The following DRC2 variants were observed in gnomAD, a reference collection of about 807,000 sequenced individuals.
DRC2 encodes the protein dynein regulatory complex subunit 2.
At chr12:48,921,256 C>A in the DRC2 span, 12 of 1,614,072 alleles carry the variant, frequency 7.4e-6, no homozygotes, top group African/African-American at 1.3e-5. Flanking sequence ...CATAGACGAG[C>A]CCAGCTGCTA....
chr12:48,907,687 T>C, the DRC2 span, among the ~76,000 whole-genome samples: 2 of 152,322 alleles, frequency 1.3e-5, no homozygotes, highest in Middle Eastern at 3.4e-3. Flanking sequence ...TGGCTACTTT[T>C]CATCATTTAG....
chr12:48,917,988 G>T, the DRC2 span, among the ~76,000 whole-genome samples: 1 of 152,170 alleles, frequency 6.6e-6, no homozygotes, highest in African/African-American at 2.4e-5. Flanking sequence ...AAAATTTAAA[G>T]ATCTGGCAAC....
the DRC2 span, among the ~76,000 whole-genome samples, chr12:48,907,011 C>T: frequency 6.6e-6 from 1 of 151,544 alleles, no homozygotes; most frequent in African/African-American, 2.4e-5. Flanking sequence ...GTCAGGAGAT[C>T]GAGACCATCC....
At chr12:48,915,941 G>GCTGCAATCT in the DRC2 span, among the ~76,000 whole-genome samples, 1 of 150,030 alleles carries the variant, frequency 6.7e-6, no homozygotes. Flanking sequence ...CCGGGCAGAG[G>GCTGCAATCT]CGCTCCTCAC....
At chr12:48,918,762 T>A in the DRC2 span, 1 of 1,614,110 alleles carries the variant, frequency 6.2e-7, no homozygotes, top group South Asian at 1.1e-5. Flanking sequence ...ATATCCGTAA[T>A]GACAAGGAAT....
At chr12:48,904,137 G>A in the DRC2 span, 1 of 617,032 alleles carries the variant, frequency 1.6e-6, no homozygotes, top group South Asian at 2.1e-5. Context: ...GAGACTAGAC[G>A]CGTCTTACAG....
the DRC2 span, chr12:48,904,856 G>A: frequency 1.8e-6 from 2 of 1,137,920 alleles, no homozygotes; most frequent in East Asian, 4.9e-5. Flanking sequence ...TCGAAAAGGG[G>A]TAAGGTGTCA....
chr12:48,918,632 G>A, the DRC2 span: 1 of 1,574,774 alleles, frequency 6.4e-7, no homozygotes, highest in East Asian at 2.3e-5. Flanking sequence ...CTGTCTCACT[G>A]AAGACCCTCA....
At chr12:48,912,022 G>A in the DRC2 span, among the ~76,000 whole-genome samples, 1 of 151,938 alleles carries the variant, frequency 6.6e-6, no homozygotes, top group Non-Finnish European at 1.5e-5. Flanking sequence ...CACTTTAGGA[G>A]GCCGAGGATG....
chr12:48,916,620 A>G, the DRC2 span, among the ~76,000 whole-genome samples: 1 of 142,288 alleles, frequency 7.0e-6, no homozygotes, highest in Non-Finnish European at 1.6e-5. Flanking sequence ...CCATGGGGAG[A>G]GGGAGACCAT....
chr12:48,915,537 C>T, the DRC2 span, among the ~76,000 whole-genome samples: 6 of 151,742 alleles, frequency 4.0e-5, no homozygotes, highest in Non-Finnish European at 7.4e-5. Flanking sequence ...GGCAACCATC[C>T]GATTTCTCAA....
the DRC2 span, chr12:48,904,358 G>A: frequency 1.2e-6 from 2 of 1,613,668 alleles, no homozygotes; most frequent in Non-Finnish European, 1.7e-6. Flanking sequence ...AGAAAAAATG[G>A]CCAAGACGCC....
the DRC2 span, among the ~76,000 whole-genome samples, chr12:48,907,616 G>A: frequency 1.3e-5 from 2 of 152,166 alleles, no homozygotes; most frequent in African/African-American, 4.8e-5. Context: ...GTATCCCACA[G>A]CATCTGATTT....
chr12:48,918,083 G>T, the DRC2 span: 1 of 562,394 alleles, frequency 1.8e-6, no homozygotes, highest in Non-Finnish European at 3.1e-6. Flanking sequence ...TTCCTCTCCA[G>T]TTCACCACAG....
the DRC2 span, among the ~76,000 whole-genome samples, chr12:48,905,327 A>G: frequency 6.6e-6 from 1 of 152,178 alleles, no homozygotes; most frequent in Non-Finnish European, 1.5e-5. Flanking sequence ...CTATTGCCCA[A>G]AACCAGTACT....
chr12:48,915,722 C>T, the DRC2 span, among the ~76,000 whole-genome samples: 2 of 148,276 alleles, frequency 1.3e-5, no homozygotes, highest in African/African-American at 2.5e-5. Context: ...CCAGTAGGGG[C>T]GGCCGGGCAG....
chr12:48,919,013 T>C, the DRC2 span: 1 of 714,334 alleles, frequency 1.4e-6, no homozygotes, highest in East Asian at 2.7e-5. Context: ...CCTGGCTGAG[T>C]GGACACTTGG....
the DRC2 span, among the ~76,000 whole-genome samples, chr12:48,913,561 C>T: frequency 6.6e-6 from 1 of 152,084 alleles, no homozygotes; most frequent in East Asian, 1.9e-4. Context: ...GGTGCAATCT[C>T]GGCTCACTGC....
At chr12:48,904,809 ACCCTTG>A in the DRC2 span, 1 of 689,896 alleles carries the variant, frequency 1.4e-6, no homozygotes, top group Non-Finnish European at 2.3e-6. Context: ...AAGGAAATTC[ACCCTTG>A]CCCTCCCTAA....
Sources: allele counts gnomAD v4.1 joint callset (sites outside exome capture counted in the v4.1 genomes callset), GRCh38; gene constraint gnomAD v4.1.1; transcripts MANE v1.5; gene names NCBI Gene and HGNC (gene_info 2026-07-23, HGNC 2026-07-21).